Variants in LDLRAD4 observed in about 807,000 individuals in gnomAD.
LDLRAD4 encodes the protein low-density lipoprotein receptor class A domain-containing protein 4.
A neutral mutation model predicts 17.0 loss-of-function variants in LDLRAD4; 5 were observed. The observed-to-expected ratio is 0.29, with a 90% confidence interval of 0.15 to 0.62. The LOEUF (loss-of-function observed/expected upper bound fraction) is 0.62. LDLRAD4 is among the 20% of genes least tolerant of loss of function. LDLRAD4 has a pLI of 0.84. For synonymous variants in LDLRAD4, 168 were observed against 171.8 expected (o/e 0.98, Z 0.17); for missense variants, 340 against 424.7 (o/e 0.80, Z 1.75).
At chr18:13,400,042 G>A (rs1295726128) in intron 2 of LDLRAD4, among the ~76,000 whole-genome samples, 2 of 152,212 alleles carry the variant, frequency 1.3e-5, no homozygotes, top group Non-Finnish European at 2.9e-5. Context: ...TTGTTTGTCT[G>A]ATGCAAACAT....
intron 1 of LDLRAD4, among the ~76,000 whole-genome samples, chr18:13,355,955 T>C (rs1477021833): frequency 6.6e-6 from 1 of 152,222 alleles, no homozygotes; most frequent in East Asian, 1.9e-4. Context: ...TTGGATTTTC[T>C]AGAAGCAGAG....
chr18:13,517,331 C>A (rs1316054515), intron 3 of LDLRAD4, among the ~76,000 whole-genome samples: 1 of 152,242 alleles, frequency 6.6e-6, no homozygotes, highest in Admixed American at 6.5e-5. Flanking sequence ...CATCTTCTTT[C>A]TCTAACTGGA....
chr18:13,481,517 T>C lies in LDLRAD4; in HGVS notation c.181+43133T>C, dbSNP rs549897108. ...GCATGGCCCCGTCTGCTGGGAAGACTTCTGGTGGCCCTCGAGCTGTGACCA... is the reference window on the plus strand; with the variant it reads ...GCATGGCCCCGTCTGCTGGGAAGACCTCTGGTGGCCCTCGAGCTGTGACCA... On this transcript the variant is annotated intron_variant, in intron 3 of 5. Transcript: ENST00000359446. Among the ~76,000 whole-genome samples, 10 of 152,302 alleles carry C rather than the reference T, an allele frequency of 6.6e-5. No individual in the cohort carries two copies. In the South Asian group the frequency reaches 2.1e-3, roughly 32 times the overall value.
At chr18:13,330,823 G>A (rs2081819639) in intron 1 of LDLRAD4, among the ~76,000 whole-genome samples, 1 of 152,178 alleles carries the variant, frequency 6.6e-6, no homozygotes, top group Non-Finnish European at 1.5e-5. Context: ...CCAGGGAGGG[G>A]AGAACAGGTG....
At chr18:13,508,702 ATTCCT>A (rs374953493) in intron 3 of LDLRAD4, among the ~76,000 whole-genome samples, 20 of 152,284 alleles carry the variant, frequency 1.3e-4, no homozygotes, top group African/African-American at 4.8e-4. Context: ...AAAAAAAAAG[ATTCCT>A]TTCAAAGTAT....
At chr18:13,455,498 C>T (rs1032818277) in intron 3 of LDLRAD4, among the ~76,000 whole-genome samples, 1 of 151,674 alleles carries the variant, frequency 6.6e-6, no homozygotes, top group African/African-American at 2.4e-5. Flanking sequence ...GCTGCAGGGG[C>T]ACCTGCTCCT....
chr18:13,413,101 T>G (rs551923689), intron 2 of LDLRAD4, among the ~76,000 whole-genome samples: 1 of 152,298 alleles, frequency 6.6e-6, no homozygotes, highest in East Asian at 1.9e-4. Context: ...TTCTCATGTT[T>G]CCAGTGCCAC....
At chr18:13,573,239 G>A (rs145618884) in intron 3 of LDLRAD4, among the ~76,000 whole-genome samples, 25,136 of 152,120 alleles carry the variant, frequency 0.17, 2,338 homozygotes, top group African/African-American at 0.24. Flanking sequence ...TAAGTAGCTG[G>A]GATTACAGGT....
At chr18:13,569,568 G>A (rs762029736) in intron 3 of LDLRAD4, among the ~76,000 whole-genome samples, 2 of 152,160 alleles carry the variant, frequency 1.3e-5, no homozygotes. Context: ...TGATAGAAAC[G>A]AATGATTGTA....
chr18:13,441,196 G>T (rs2091001104), intron 3 of LDLRAD4, among the ~76,000 whole-genome samples: 1 of 152,160 alleles, frequency 6.6e-6, no homozygotes. Flanking sequence ...ATTCTGTTGG[G>T]CAGCGAACAG....
At chr18:13,291,337 C>T (rs537878788) in intron 1 of LDLRAD4, among the ~76,000 whole-genome samples, 4 of 152,358 alleles carry the variant, frequency 2.6e-5, no homozygotes, top group Admixed American at 1.3e-4. Flanking sequence ...TTTGGAAGCT[C>T]ATTCACTCAT....
chr18:13,320,304 C>T (rs8087505), intron 1 of LDLRAD4, among the ~76,000 whole-genome samples: 53,828 of 152,082 alleles, frequency 0.35, 10,083 homozygotes, highest in East Asian at 0.48. Context: ...CTGTGAAGTC[C>T]TGTGTTGACG....
chr18:13,280,730 GCAGC>G (rs2045217588), intron 1 of LDLRAD4, among the ~76,000 whole-genome samples: 1 of 152,228 alleles, frequency 6.6e-6, no homozygotes, highest in East Asian at 1.9e-4. Flanking sequence ...CTGGAAAGGT[GCAGC>G]TGGAGAAAAC....
At chr18:13,542,846 G>A (rs1253339649) in intron 3 of LDLRAD4, 4 of 152,160 alleles carry the variant, frequency 2.6e-5, no homozygotes, top group African/African-American at 9.7e-5. Context: ...AAAGAGAAGG[G>A]GCCACTCGTG....
chr18:13,524,220 G>T (rs1683312022), intron 3 of LDLRAD4, among the ~76,000 whole-genome samples: 1 of 152,154 alleles, frequency 6.6e-6, no homozygotes, highest in East Asian at 1.9e-4. Flanking sequence ...AGAACCAAAG[G>T]GTCTTGGGTT....
intron 4 of LDLRAD4, among the ~76,000 whole-genome samples, chr18:13,626,847 C>T (rs528521584): frequency 6.6e-6 from 1 of 152,354 alleles, no homozygotes; most frequent in East Asian, 1.9e-4. Context: ...CTCCTCAGAT[C>T]CACAGTGCCC....
intron 3 of LDLRAD4, among the ~76,000 whole-genome samples, chr18:13,602,527 C>G (rs992012182): frequency 1.6e-4 from 20 of 127,294 alleles, no homozygotes; most frequent in Admixed American, 1.9e-4. Flanking sequence ...GAGATGGAGT[C>G]TCACTCTGTC....
At chr18:13,635,257 C>G (rs1294788877) in intron 4 of LDLRAD4, among the ~76,000 whole-genome samples, 2 of 152,180 alleles carry the variant, frequency 1.3e-5, no homozygotes, top group Non-Finnish European at 2.9e-5. Context: ...GCCACTCTTC[C>G]CGGTGGCAAA....
intron 2 of LDLRAD4, among the ~76,000 whole-genome samples, chr18:13,427,984 C>A (rs1038536317): frequency 6.6e-5 from 10 of 152,116 alleles, no homozygotes; most frequent in African/African-American, 2.4e-4. Flanking sequence ...TCATTGATTT[C>A]TTTAATAATA....
Sources: allele counts gnomAD v4.1 joint callset (sites outside exome capture counted in the v4.1 genomes callset), GRCh38; gene constraint gnomAD v4.1.1; transcripts MANE v1.5; gene names NCBI Gene and HGNC (gene_info 2026-07-23, HGNC 2026-07-21).